Variants in PTPRD observed in about 807,000 individuals in gnomAD.
The protein encoded by PTPRD is receptor-type tyrosine-protein phosphatase delta.
Under a neutral mutation model 214.5 loss-of-function variants are expected in PTPRD, and 34 were observed. The observed-to-expected ratio is 0.16, with a 90% CI of 0.12 to 0.21. The LOEUF (loss-of-function observed/expected upper bound fraction) is 0.21. PTPRD is among the 10% of genes least tolerant of loss of function. The pLI is 1.00. For missense variants in PTPRD, 2,545 were observed against 2,398.7 expected (o/e 1.06, Z -1.27); for synonymous variants, 1,128 against 845.7 (o/e 1.33, Z -5.79).
intron 2 of PTPRD, among the ~76,000 whole-genome samples, chr9:10,453,561 T>C (rs1229228848): frequency 4.0e-5 from 6 of 151,700 alleles, no homozygotes; most frequent in Admixed American, 6.6e-5. Context: ...TTTATAGCTC[T>C]TGCAAATGAG....
chr9:9,549,999 T>C (rs983109186), intron 8 of PTPRD, among the ~76,000 whole-genome samples: 2 of 152,142 alleles, frequency 1.3e-5, no homozygotes, highest in East Asian at 1.9e-4. Context: ...GGTTAGACTG[T>C]AGTGACCAGT....
At chr9:10,380,801 C>A (rs904418472) in intron 2 of PTPRD, among the ~76,000 whole-genome samples, 7 of 151,896 alleles carry the variant, frequency 4.6e-5, no homozygotes, top group Non-Finnish European at 1.0e-4. Flanking sequence ...CATTTTTTTC[C>A]TAGTTTGATA....
At chr9:8,944,541 T>C (rs2099052399) in intron 11 of PTPRD, among the ~76,000 whole-genome samples, 1 of 152,078 alleles carries the variant, frequency 6.6e-6, no homozygotes, top group Admixed American at 6.6e-5. Flanking sequence ...GAAAATGTCG[T>C]ACATATACGC....
chr9:9,019,413 C>T (rs1414289639), intron 10 of PTPRD, among the ~76,000 whole-genome samples: 3 of 151,560 alleles, frequency 2.0e-5, no homozygotes, highest in African/African-American at 7.3e-5. Flanking sequence ...AATTATATAC[C>T]TCGAAGTTTG....
Position 8,484,364 on chromosome 9 carries a change from A to G in PTPRD, c.3168T>C (p.Asp1056=). The G allele has an allele frequency of 6.2e-7, 1 of 1,613,650 alleles. No individual in the cohort carries two copies. The highest frequency in any genetic ancestry group is 8.5e-7 in the Non-Finnish European group (1 of 1,179,752). ...CATCCACTTCTTCTACCATTTTCCCATCATCATAAAGAATCTAAAGAGATA... is the reference window on the plus strand; with the variant it reads ...CATCCACTTCTTCTACCATTTTCCCGTCATCATAAAGAATCTAAAGAGATA... ...SAMPFKILYD[D]GKMVEEVDGR... The change falls in exon 30 of 46, where the codon GAT becomes GAC. Residue 1056 remains aspartate (D), a synonymous_variant. Coordinates refer to ENST00000381196, the MANE Select transcript of PTPRD (RefSeq NM_002839.4).
intron 7 of PTPRD, among the ~76,000 whole-genome samples, chr9:9,642,449 T>A (rs1008932424): frequency 2.6e-5 from 4 of 152,236 alleles, no homozygotes; most frequent in Non-Finnish European, 4.4e-5. Flanking sequence ...TGTCTTTAGA[T>A]GAATGCATAC....
intron 3 of PTPRD, among the ~76,000 whole-genome samples, chr9:10,162,075 C>A (rs993985757): frequency 2.0e-5 from 3 of 151,120 alleles, no homozygotes; most frequent in Non-Finnish European, 3.0e-5. Flanking sequence ...AAAGGGGAAC[C>A]CTTGCACACT....
At chr9:9,330,195 C>A (rs1256337842) in intron 9 of PTPRD, among the ~76,000 whole-genome samples, 1 of 152,118 alleles carries the variant, frequency 6.6e-6, no homozygotes, top group African/African-American at 2.4e-5. Context: ...TCCTGACACC[C>A]AAAATACATG....
At chr9:9,599,238 GATA>G (rs1231208146) in intron 7 of PTPRD, among the ~76,000 whole-genome samples, 1 of 152,042 alleles carries the variant, frequency 6.6e-6, no homozygotes, top group Admixed American at 6.6e-5. Flanking sequence ...TGAGTCCCAT[GATA>G]ATGTCATAAA....
chr9:10,105,638 G>A (rs1272593088), intron 3 of PTPRD, among the ~76,000 whole-genome samples: 1 of 151,722 alleles, frequency 6.6e-6, no homozygotes, highest in Non-Finnish European at 1.5e-5. Context: ...ACCTGAATTG[G>A]ACCAGTTTAC....
chr9:9,656,635 G>A lies in PTPRD; in HGVS notation c.-287+77898C>T, dbSNP rs72706553. ...GGTTAGGGAGCAGTGCAGAGGAATA[G>A]GTAGAACATGGAGGATTTTTAGGGT... On this transcript the variant is annotated intron_variant, in intron 7 of 45. Transcript: ENST00000381196. Among the ~76,000 whole-genome samples the A allele has an allele frequency of 1.8e-3, 273 of 152,218 alleles. 1 individual carries two copies. Among genetic ancestry groups the A allele is most frequent in the Non-Finnish European group, 3.4e-3 (231 of 67,990 alleles).
intron 35 of PTPRD, among the ~76,000 whole-genome samples, chr9:8,407,328 G>A (rs1266887903): frequency 1.3e-5 from 2 of 152,102 alleles, no homozygotes; most frequent in Non-Finnish European, 2.9e-5. Flanking sequence ...TTTGGCAGGT[G>A]AGAAAACTGA....
chr9:10,285,587 A>G (rs955872584), intron 3 of PTPRD, among the ~76,000 whole-genome samples: 2 of 133,734 alleles, frequency 1.5e-5, no homozygotes, highest in Non-Finnish European at 3.2e-5. Flanking sequence ...CATGTTTCAT[A>G]TTATTTTGGG....
Position 8,802,372 on chromosome 9 carries a change from C to T in PTPRD, c.-103-68426G>A, listed in dbSNP as rs114263773. On this transcript the variant is annotated intron_variant, in intron 11 of 45. Transcript: ENST00000381196. ...TTCCCTGACTCTCACGCCATTAATA[C>T]GCTTCATATGCTATCCAGCCACACC... is the stretch of plus-strand genomic sequence containing the variant. Among the ~76,000 whole-genome samples the T allele has an allele frequency of 6.6e-3, 1,004 of 152,262 alleles. 13 individuals are homozygous for T. Among genetic ancestry groups the T allele is most frequent in the African/African-American group, 0.022 (899 of 41,534 alleles).
chr9:8,611,423 G>A (rs2095440757), intron 14 of PTPRD, among the ~76,000 whole-genome samples: 1 of 152,110 alleles, frequency 6.6e-6, no homozygotes, highest in Non-Finnish European at 1.5e-5. Context: ...ACCAGAGCAG[G>A]GCCAGGCGTA....
intron 11 of PTPRD, among the ~76,000 whole-genome samples, chr9:8,853,426 G>A (rs1041910496): frequency 1.3e-5 from 2 of 152,080 alleles, no homozygotes; most frequent in Non-Finnish European, 2.9e-5. Flanking sequence ...TTTTAAAAAA[G>A]GGAGAGAATT....
intron 4 of PTPRD, among the ~76,000 whole-genome samples, chr9:9,972,786 T>C (rs1205627258): frequency 1.3e-5 from 2 of 152,266 alleles, no homozygotes; most frequent in South Asian, 2.1e-4. Flanking sequence ...GCATCATTAC[T>C]AGCTTTTGCT....
chr9:10,400,754 T>C (rs2098256279), intron 2 of PTPRD, among the ~76,000 whole-genome samples: 1 of 151,520 alleles, frequency 6.6e-6, no homozygotes, highest in Non-Finnish European at 1.5e-5. Flanking sequence ...TCCTTCTTAG[T>C]TTTTACTGAT....
At chr9:9,928,840 A>C (rs968869361) in intron 5 of PTPRD, among the ~76,000 whole-genome samples, 2 of 151,740 alleles carry the variant, frequency 1.3e-5, no homozygotes, top group African/African-American at 4.8e-5. Flanking sequence ...ATTTTCTTTA[A>C]ACTTGATGCT....
Sources: allele counts gnomAD v4.1 joint callset (sites outside exome capture counted in the v4.1 genomes callset), GRCh38; gene constraint gnomAD v4.1.1; transcripts MANE v1.5; gene names NCBI Gene and HGNC (gene_info 2026-07-23, HGNC 2026-07-21).